The following PBX4 variants were observed in gnomAD, a reference collection of about 807,000 sequenced individuals.
The protein encoded by PBX4 is PBX homeobox 4.
A neutral mutation model predicts 35.1 loss-of-function variants in PBX4; 26 were observed. That is an observed-to-expected ratio of 0.74 (90% CI 0.54 to 1.03). PBX4 has a LOEUF of 1.03. Ranked by LOEUF, PBX4 falls within the 50% of genes least tolerant of loss-of-function variation. The pLI is 0.00. For missense variants in PBX4, 448 were observed against 504.3 expected (o/e 0.89, Z 1.07); for synonymous variants, 199 against 204.2 (o/e 0.97, Z 0.22).
chr19:19,578,950 G>A (rs1016386032), intron 2 of PBX4, among the ~76,000 whole-genome samples: 11 of 152,110 alleles, frequency 7.2e-5, no homozygotes, highest in South Asian at 2.1e-4. Flanking sequence ...GATGGCGGCC[G>A]CCTACAAGCC....
intron 1 of PBX4, among the ~76,000 whole-genome samples, chr19:19,605,189 AG>A (rs1453705203): frequency 5.3e-5 from 8 of 151,080 alleles, no homozygotes; most frequent in African/African-American, 1.9e-4. Flanking sequence ...AAGCCAAGGC[AG>A]GTGGATCACG....
At chr19:19,588,361 A>T (rs1275654136) in intron 2 of PBX4, 1 of 1,321,962 alleles carries the variant, frequency 7.6e-7, no homozygotes. Context: ...CAGTCATCTG[A>T]TGGCAACACC....
intron 2 of PBX4, among the ~76,000 whole-genome samples, chr19:19,589,934 G>A (rs768344814): frequency 3.1e-4 from 47 of 152,086 alleles, no homozygotes; most frequent in African/African-American, 1.1e-3. Context: ...GACAGTTTCC[G>A]TCAGTGGTTA....
chr19:19,578,663 T>G (rs2061435419), intron 2 of PBX4, among the ~76,000 whole-genome samples: 1 of 152,260 alleles, frequency 6.6e-6, no homozygotes, highest in Non-Finnish European at 1.5e-5. Flanking sequence ...TGGCAGAAAC[T>G]CCAGTAAATC....
chr19:19,605,079 A>G (rs1435719372), intron 1 of PBX4, among the ~76,000 whole-genome samples: 1 of 151,742 alleles, frequency 6.6e-6, no homozygotes, highest in Non-Finnish European at 1.5e-5. Context: ...TAATATAAAA[A>G]TAGAAGAAAC....
At chr19:19,595,607 T>C (rs1205807650) in intron 2 of PBX4, among the ~76,000 whole-genome samples, 1 of 152,024 alleles carries the variant, frequency 6.6e-6, no homozygotes, top group African/African-American at 2.4e-5. Flanking sequence ...TACATACCCA[T>C]GAGAGGCATA....
chr19:19,569,524 G>A lies in PBX4; in HGVS notation c.693C>T (p.Ser231=), dbSNP rs766263116. The A allele has an allele frequency of 1.1e-5, 18 of 1,613,778 alleles. No homozygotes were observed. The highest frequency in any genetic ancestry group is 1.7e-4 in the Middle Eastern group (1 of 6,056). The part of the protein sequence containing the change: ...ATEVLNEYFY[S]HLNNPYPSEE... ...CGCTGGGGTAAGGGTTGTTCAGATGGGAGTAAAAATACTCATTCAGCACTT... is the reference window on the plus strand; with the variant it reads ...CGCTGGGGTAAGGGTTGTTCAGATGAGAGTAAAAATACTCATTCAGCACTT... Residue 231 remains serine (S), a synonymous_variant, in exon 5 of 8, where the codon TCC becomes TCT. Coordinates refer to ENST00000251203, the MANE Select transcript of PBX4 (RefSeq NM_025245.3).
At chr19:19,573,525 G>T (rs1346362999) in intron 2 of PBX4, among the ~76,000 whole-genome samples, 4 of 152,118 alleles carry the variant, frequency 2.6e-5, no homozygotes, top group Non-Finnish European at 5.9e-5. Context: ...TTGCAGACAT[G>T]CAGAGACTTA....
At position 19,601,853 on chromosome 19, in the gene PBX4, C is replaced by T. The variant is rs1344360983; in HGVS notation, c.120-2488G>A. ...TGCCCATGTGGGCTTTCTGACCTAC[C>T]GAAATGTAAAATCGGTGGCTCATGC... On this transcript the variant is annotated intron_variant, in intron 1 of 7. Transcript: ENST00000251203. Among the ~76,000 whole-genome samples, 12 of 152,020 alleles carry T rather than the reference C, an allele frequency of 7.9e-5. No homozygotes were observed. The South Asian group carries it at 2.1e-3, about 26-fold the overall frequency.
At chr19:19,575,751 T>G (rs904396110) in intron 2 of PBX4, among the ~76,000 whole-genome samples, 2 of 152,212 alleles carry the variant, frequency 1.3e-5, no homozygotes, top group Non-Finnish European at 2.9e-5. Flanking sequence ...CCTTTGGAAC[T>G]GTTCCCTCGC....
intron 1 of PBX4, among the ~76,000 whole-genome samples, chr19:19,617,421 G>A (rs754009353): frequency 1.1e-4 from 16 of 152,128 alleles, no homozygotes; most frequent in Non-Finnish European, 1.5e-5. Context: ...TGGGACTACA[G>A]GCTTGCATCA....
chr19:19,609,890 A>G (rs573128112), intron 1 of PBX4, among the ~76,000 whole-genome samples: 11 of 152,042 alleles, frequency 7.2e-5, no homozygotes, highest in Admixed American at 7.2e-4. Context: ...ACAGTGAAAA[A>G]CCACCCACTT....
chr19:19,567,254 G>C (rs772133769), intron 5 of PBX4, among the ~76,000 whole-genome samples: 19 of 152,176 alleles, frequency 1.2e-4, no homozygotes, highest in Non-Finnish European at 1.9e-4. Flanking sequence ...ACCCAGAGGC[G>C]CAGCCCCTTG....
At chr19:19,583,511 G>A (rs2061468900) in intron 2 of PBX4, among the ~76,000 whole-genome samples, 1 of 151,946 alleles carries the variant, frequency 6.6e-6, no homozygotes, top group Non-Finnish European at 1.5e-5. Flanking sequence ...TACTCGAGAA[G>A]CTGAGACAGG....
At chr19:19,595,822 A>G (rs533445018) in intron 2 of PBX4, among the ~76,000 whole-genome samples, 1 of 152,208 alleles carries the variant, frequency 6.6e-6, no homozygotes, top group Non-Finnish European at 1.5e-5. Flanking sequence ...TGGGAGATTG[A>G]TTACACAAGC....
In PBX4 at chr19:19,562,033, A is replaced by G. The variant is rs376094794; in HGVS notation, c.1117T>C (p.Ser373Pro). The change falls in exon 8 of 8, where the codon TCT becomes CCT. Residue 373 changes from serine to proline, a missense_variant. Coordinates refer to ENST00000251203, the MANE Select transcript of PBX4 (RefSeq NM_025245.3). This position sits in a 1 kb window ranked among gnomAD's most constrained non-coding sequence, Gnocchi z 4.8. ...CTGCTTATCCCCCAAACTTAATTAG[A>G]TGTACTGGAGTTGATGCTGCCAGGG... Reference protein sequence around the residue: ...GDPGSINSSTSN With the variant: ...GDPGSINSSTPN The G allele has an allele frequency of 6.2e-7, 1 of 1,612,108 alleles. No homozygotes were observed. The highest frequency in any genetic ancestry group is 1.3e-5 in the African/African-American group (1 of 74,862).
At chr19:19,588,242 A>C in intron 2 of PBX4, 2 of 1,359,774 alleles carry the variant, frequency 1.5e-6, no homozygotes, top group Non-Finnish European at 2.1e-6. Context: ...TCCACAGATC[A>C]CACAGAGCCC....
At chr19:19,611,511 T>C (rs544831520) in intron 1 of PBX4, among the ~76,000 whole-genome samples, 1 of 151,806 alleles carries the variant, frequency 6.6e-6, no homozygotes, top group South Asian at 2.1e-4. Context: ...AAACCCCGTC[T>C]CTACTAAAAA....
chr19:19,599,636 G>C (rs2061584234), intron 1 of PBX4, among the ~76,000 whole-genome samples: 1 of 152,052 alleles, frequency 6.6e-6, no homozygotes, highest in Non-Finnish European at 1.5e-5. Context: ...TCAGGAGTTT[G>C]AGACCAGCCT....
Sources: allele counts gnomAD v4.1 joint callset (sites outside exome capture counted in the v4.1 genomes callset), GRCh38; gene constraint gnomAD v4.1.1; non-coding constraint Gnocchi (gnomAD v3.1); transcripts MANE v1.5; gene names NCBI Gene and HGNC (gene_info 2026-07-23, HGNC 2026-07-21).